AMMECR1: variants seen among roughly 807,000 people sequenced by gnomAD.
AMMECR1 encodes the protein AMMECR nuclear protein 1.
In AMMECR1, 3 loss-of-function variants were observed where a neutral mutation model predicts 22.5. That is an observed-to-expected ratio of 0.13 (90% CI 0.06 to 0.35). AMMECR1 has a LOEUF of 0.35. Ranked by LOEUF, AMMECR1 falls within the 10% of genes least tolerant of loss-of-function variation. The probability of loss-of-function intolerance (pLI) is 1.00; values close to 1 mark genes in which losing one functional copy is unlikely to be tolerated. For missense variants in AMMECR1, 235 were observed against 278.7 expected (o/e 0.84, Z 1.12); for synonymous variants, 130 against 116.7 (o/e 1.11, Z -0.74).
Position 110,254,329 on chromosome X carries a change from T to G in AMMECR1, c.584+10160A>C, listed in dbSNP as rs540161173. ...TACCTTGCAATCTGAAACATTACATTTCATATTTTTGCATGTTTATTTTAA... is the reference window on the plus strand; with the variant it reads ...TACCTTGCAATCTGAAACATTACATGTCATATTTTTGCATGTTTATTTTAA... On this transcript the variant is annotated intron_variant, in intron 2 of 5. Transcript: ENST00000262844. 2.7e-5 allele frequency among the ~76,000 whole-genome samples: 3 copies of G among 111,861 alleles called. No homozygotes were observed. In the South Asian group the frequency reaches 1.1e-3, roughly 41 times the overall value.
At chrX:110,313,176 G>C (rs1009859215) in intron 1 of AMMECR1, among the ~76,000 whole-genome samples, 1 of 111,895 alleles carries the variant, frequency 8.9e-6, no homozygotes, top group Non-Finnish European at 1.9e-5. Flanking sequence ...ACTTGACTAC[G>C]GTGGCAAGAC....
chrX:110,217,983 C>T (rs1366548696), intron 2 of AMMECR1, among the ~76,000 whole-genome samples: 2 of 111,129 alleles, frequency 1.8e-5, no homozygotes, highest in African/African-American at 6.5e-5. Flanking sequence ...TTTTCCCATT[C>T]AAGATGCCAA....
At chrX:110,433,736 C>A (rs1255076286) in intron 1 of AMMECR1, among the ~76,000 whole-genome samples, 4 of 111,969 alleles carry the variant, frequency 3.6e-5, no homozygotes. Context: ...TGTTAACTAG[C>A]CTTTCTTCTT....
chrX:110,392,271 G>A (rs1020065023), intron 2 of AMMECR1, among the ~76,000 whole-genome samples: 6 of 103,299 alleles, frequency 5.8e-5, no homozygotes, highest in African/African-American at 2.2e-4. Flanking sequence ...TTCTACCACA[G>A]GTTTTTTTTT....
intron 1 of AMMECR1, among the ~76,000 whole-genome samples, chrX:110,317,115 C>G (rs1203821188): frequency 8.9e-6 from 1 of 111,751 alleles, no homozygotes; most frequent in Non-Finnish European, 1.9e-5. Flanking sequence ...AGTTCCATCA[C>G]TAACAGAAGT....
At chrX:110,341,333 G>A (rs183233618) in intron 2 of AMMECR1, among the ~76,000 whole-genome samples, 2 of 112,364 alleles carry the variant, frequency 1.8e-5, no homozygotes, top group African/African-American at 6.5e-5. Flanking sequence ...CACTCTGATA[G>A]TTACGGAGCA....
At chrX:110,408,077 C>T (rs2068615327) in intron 2 of AMMECR1, among the ~76,000 whole-genome samples, 1 of 112,666 alleles carries the variant, frequency 8.9e-6, no homozygotes, top group South Asian at 3.7e-4. Context: ...GTGGGGCACC[C>T]AAAGAGAGTG....
chrX:110,415,768 C>T (rs1569425185), intron 2 of AMMECR1, among the ~76,000 whole-genome samples: 1 of 111,580 alleles, frequency 9.0e-6, no homozygotes, highest in Non-Finnish European at 1.9e-5. Context: ...CAGTAAAATA[C>T]TCATTCCTTC....
chrX:110,299,537 A>C (rs1179418975), intron 1 of AMMECR1, among the ~76,000 whole-genome samples: 1 of 112,243 alleles, frequency 8.9e-6, no homozygotes, highest in East Asian at 2.8e-4. Flanking sequence ...TGAAAAGTAA[A>C]GATTTTATAG....
At chrX:110,389,698 A>G (rs2068481754) in intron 2 of AMMECR1, among the ~76,000 whole-genome samples, 1 of 109,922 alleles carries the variant, frequency 9.1e-6, no homozygotes, top group Non-Finnish European at 1.9e-5. Flanking sequence ...TGAGAGTTTG[A>G]TAGAAAGGAA....
chrX:110,307,864 C>CTTTTTTTTT (rs1162615101), intron 1 of AMMECR1, among the ~76,000 whole-genome samples: 28 of 63,617 alleles, frequency 4.4e-4, no homozygotes, highest in African/African-American at 1.0e-3. Context: ...TTTTTTTTTT[C>CTTTTTTTTT]TTTTTTTTTT....
chrX:110,431,604 A>C (rs1386830826), intron 1 of AMMECR1, among the ~76,000 whole-genome samples: 1 of 111,179 alleles, frequency 9.0e-6, no homozygotes, highest in Non-Finnish European at 1.9e-5. Context: ...TGACAGTTAA[A>C]AGGTTGATGG....
intron 2 of AMMECR1, among the ~76,000 whole-genome samples, chrX:110,393,414 A>G (rs914448240): frequency 8.9e-6 from 1 of 112,051 alleles, no homozygotes; most frequent in East Asian, 2.8e-4. Flanking sequence ...ACAGCCCTAC[A>G]AGGCAGATAC....
At chrX:110,238,607 G>C (rs1421104235) in intron 2 of AMMECR1, among the ~76,000 whole-genome samples, 1 of 112,400 alleles carries the variant, frequency 8.9e-6, no homozygotes, top group African/African-American at 3.2e-5. Context: ...GGAAAGGGGT[G>C]GCTGTGGGCA....
At chrX:110,379,709 A>T (rs956021512) in intron 2 of AMMECR1, among the ~76,000 whole-genome samples, 1 of 112,152 alleles carries the variant, frequency 8.9e-6, no homozygotes, top group African/African-American at 3.2e-5. Context: ...AGCAATGGTA[A>T]ATGGGGAAGC....
At chrX:110,372,541 C>T (rs1200190015) in intron 2 of AMMECR1, among the ~76,000 whole-genome samples, 1 of 111,292 alleles carries the variant, frequency 9.0e-6, no homozygotes, top group Non-Finnish European at 1.9e-5. Context: ...TCTATATCAG[C>T]CAATGTAAGT....
intron 2 of AMMECR1, chrX:110,346,552 T>C (rs1602915791): frequency 2.3e-6 from 1 of 425,962 alleles, no homozygotes; most frequent in East Asian, 3.9e-5. Context: ...AATTCAGAGG[T>C]AGATGTTAAG....
chrX:110,379,843 A>G (rs751299131), intron 2 of AMMECR1, among the ~76,000 whole-genome samples: 1 of 112,330 alleles, frequency 8.9e-6, no homozygotes, highest in African/African-American at 3.2e-5. Context: ...AAATATATCA[A>G]TTTAATAACT....
chrX:110,329,998 G>T (rs1364548881), intron 2 of AMMECR1, among the ~76,000 whole-genome samples: 2 of 111,532 alleles, frequency 1.8e-5, no homozygotes, highest in Non-Finnish European at 3.8e-5. Flanking sequence ...CTGCTCTGAG[G>T]ATGTAAAACT....
Sources: allele counts gnomAD v4.1 joint callset (sites outside exome capture counted in the v4.1 genomes callset), GRCh38; gene constraint gnomAD v4.1.1; transcripts MANE v1.5; gene names NCBI Gene and HGNC (gene_info 2026-07-23, HGNC 2026-07-21).